Variants in SLC22A25 observed in about 807,000 individuals in gnomAD.
SLC22A25 encodes the protein solute carrier family 22 member 25, also known as MGI:2442751, MGI:2385316, MGI:3042283, MGI:3645714, MGI:3605624, MGI:2442750.
Under a neutral mutation model 45.9 loss-of-function variants are expected in SLC22A25, and 44 were observed. The ratio of observed to expected loss-of-function variants is 0.96; its 90% confidence interval spans 0.75 to 1.23. SLC22A25 has a LOEUF of 1.23. SLC22A25 is among the 50% of genes most tolerant of loss of function. The probability of loss-of-function intolerance (pLI) is 0.00; values close to 1 mark genes in which losing one functional copy is unlikely to be tolerated. For missense variants in SLC22A25, 800 were observed against 666.4 expected (o/e 1.20, Z -2.21); for synonymous variants, 283 against 238.6 (o/e 1.19, Z -1.72).
Position 63,214,226 on chromosome 11 carries a change from G to A in SLC22A25, c.830+3088C>T, listed in dbSNP as rs550757956. ...TGCCCTTTAACCCAGTTTGTTAGGAGTATACAGTCAACTATAGAGGCAATA... is the reference window on the plus strand; with the variant it reads ...TGCCCTTTAACCCAGTTTGTTAGGAATATACAGTCAACTATAGAGGCAATA... On this transcript the variant is annotated intron_variant, in intron 7 of 11. Transcript: ENST00000306494. Among the ~76,000 whole-genome samples the A allele has an allele frequency of 3.3e-5, 5 of 152,224 alleles. No individual in the cohort carries two copies. The South Asian group carries it at 8.3e-4, about 25-fold the overall frequency.
At chr11:63,189,979 T>C (rs1042257506) in intron 7 of SLC22A25, among the ~76,000 whole-genome samples, 1 of 152,214 alleles carries the variant, frequency 6.6e-6, no homozygotes, top group Admixed American at 6.5e-5. Context: ...CCCTTAACAT[T>C]TTTTCCTTCA....
chr11:63,218,514 T>A (rs113341999), intron 5 of SLC22A25, among the ~76,000 whole-genome samples: 5,130 of 152,116 alleles, frequency 0.034, 118 homozygotes, highest in Non-Finnish European at 0.056. Context: ...AAAGTTGAAA[T>A]TAAAAAAAGA....
At chr11:63,205,364 C>G (rs1295488355) in intron 7 of SLC22A25, among the ~76,000 whole-genome samples, 2 of 151,944 alleles carry the variant, frequency 1.3e-5, no homozygotes, top group African/African-American at 4.8e-5. Flanking sequence ...ATCAATGAAT[C>G]CAGCAGCTGT....
intron 3 of SLC22A25, among the ~76,000 whole-genome samples, chr11:63,237,557 C>G (rs1248222604): frequency 6.6e-6 from 1 of 152,184 alleles, no homozygotes; most frequent in Admixed American, 6.5e-5. Context: ...ACCAAATAAA[C>G]TTCTATTGTG....
intron 7 of SLC22A25, among the ~76,000 whole-genome samples, chr11:63,211,405 T>A (rs113306611): frequency 0.034 from 5,121 of 152,214 alleles, 118 homozygotes; most frequent in Non-Finnish European, 0.056. Context: ...TACCCAACCC[T>A]TACACAATGT....
At chr11:63,220,107 C>T in intron 5 of SLC22A25, 1 of 942,628 alleles carries the variant, frequency 1.1e-6, no homozygotes, top group Non-Finnish European at 1.5e-6. Flanking sequence ...CCTTAGATTA[C>T]TTACCTTTTG....
At chr11:63,182,487 T>C (rs972695458) in intron 8 of SLC22A25, among the ~76,000 whole-genome samples, 1 of 151,604 alleles carries the variant, frequency 6.6e-6, no homozygotes, top group South Asian at 2.1e-4. Flanking sequence ...TATATATATA[T>C]ATATTCTCTC....
rs1157471079 is a variant in SLC22A25, at chr11:63,166,929, G to A, written c.1071-671C>T. ...AGAGCTCTGGTCTGCAGCTCCCAGCGAGAGCAATGCGGAAGGTGAGTGATT... is the reference window on the plus strand; with the variant it reads ...AGAGCTCTGGTCTGCAGCTCCCAGCAAGAGCAATGCGGAAGGTGAGTGATT... On this transcript the variant is annotated intron_variant, in intron 9 of 11. Coordinates refer to ENST00000306494, the MANE Select transcript of SLC22A25 (RefSeq NM_199352.6). The A allele has an allele frequency of 2.9e-5, 25 of 874,824 alleles. No homozygotes were observed. In the South Asian group the frequency reaches 3.2e-4, roughly 11 times the overall value. The allele number at this position is 874,824 out of a possible 1,614,324, so 54.2% of individuals were successfully genotyped here.
intron 7 of SLC22A25, among the ~76,000 whole-genome samples, chr11:63,194,020 C>T (rs915889523): frequency 1.3e-5 from 2 of 152,090 alleles, no homozygotes; most frequent in African/African-American, 4.8e-5. Flanking sequence ...GATGCATGCA[C>T]ATGCTTCAGT....
chr11:63,166,125 G>T lies in SLC22A25; in HGVS notation c.1204C>A (p.His402Asn). 6.8e-6 allele frequency: 11 copies of T among 1,614,030 alleles called. No individual in the cohort carries two copies. Among genetic ancestry groups the T allele is most frequent in the Non-Finnish European group, 8.5e-6 (10 of 1,179,950 alleles). Residue 402 changes from histidine (H) to asparagine (N), a missense_variant, in exon 10 of 12, where the codon CAC becomes AAC. Physicochemically the swap from His to Asn is moderately conservative, Grantham distance 68. Coordinates refer to ENST00000306494, the MANE Select transcript of SLC22A25 (RefSeq NM_199352.6). ...ANCVAPWALN[H>N]MSRRLSQMLL... ...ATCTGGCTTAGTCGACGGCTCATGT[G>T]ATTCAGTGCCCAAGGTGCAACACAA...
At chr11:63,240,160 G>A (rs766436607) in intron 1 of SLC22A25, among the ~76,000 whole-genome samples, 3 of 151,940 alleles carry the variant, frequency 2.0e-5, no homozygotes, top group Non-Finnish European at 4.4e-5. Context: ...GTACCTAAAC[G>A]TATCTAAACA....
At chr11:63,165,009 G>A (rs1328361591) in intron 10 of SLC22A25, among the ~76,000 whole-genome samples, 4 of 152,094 alleles carry the variant, frequency 2.6e-5, no homozygotes, top group African/African-American at 9.7e-5. Context: ...ACTAGGGAGT[G>A]TAAGACTCAT....
At position 63,217,297 on chromosome 11, in the gene SLC22A25, G is replaced by T. The variant is rs1376615706; in HGVS notation, c.830+17C>A. On this transcript the variant is annotated intron_variant, in intron 7 of 11. Transcript: ENST00000306494. ...TCAAGGATGTCATATGGCAAAAGAA[G>T]AATGCAAGCTCAATACCTTGAGAAC... 6.2e-7 allele frequency: 1 copy of T among 1,608,096 alleles called. No homozygotes were observed. The highest frequency in any genetic ancestry group is 8.5e-7 in the Non-Finnish European group (1 of 1,177,344).
Position 63,162,501 on chromosome 11 carries a change from A to AT in SLC22A25, c.*1322dup, listed in dbSNP as rs781289990. Among the ~76,000 whole-genome samples the AT allele has an allele frequency of 7.9e-5, 12 of 152,200 alleles. No individual in the cohort carries two copies. The highest frequency in any genetic ancestry group is 1.2e-4 in the Non-Finnish European group (8 of 67,994). Reference sequence around the variant, plus strand: ...CATATGGATATCCAGTTTTGGAACTATTTTTTATGTTCTTATAAAAGTATG... The same window carrying AT: ...CATATGGATATCCAGTTTTGGAACTATTTTTTTATGTTCTTATAAAAGTATG... On this transcript the variant is annotated 3_prime_UTR_variant, in exon 12 of 12. Coordinates refer to ENST00000306494, the MANE Select transcript of SLC22A25 (RefSeq NM_199352.6).
intron 1 of SLC22A25, among the ~76,000 whole-genome samples, chr11:63,240,583 A>G (rs1247885389): frequency 4.6e-5 from 7 of 152,186 alleles, no homozygotes; most frequent in Non-Finnish European, 7.3e-5. Flanking sequence ...TTAAAATATA[A>G]ACATGTTGCA....
chr11:63,239,245 G>C (rs2090210353), intron 1 of SLC22A25, 110 bp from the exon 2 acceptor site: 1 of 152,158 alleles, frequency 6.6e-6, no homozygotes, highest in African/African-American at 2.4e-5. Flanking sequence ...AATAGGCCCT[G>C]CATCACATTT....
intron 5 of SLC22A25, among the ~76,000 whole-genome samples, chr11:63,225,822 T>A (rs1351511915): frequency 6.6e-6 from 1 of 152,144 alleles, no homozygotes; most frequent in Non-Finnish European, 1.5e-5. Context: ...TTCTTTTTAA[T>A]TCTTTTCACT....
chr11:63,217,244 C>A, intron 7 of SLC22A25, 70 bp downstream of exon 7: 2 of 1,516,276 alleles, frequency 1.3e-6, no homozygotes, highest in Non-Finnish European at 8.9e-7. Flanking sequence ...AAATGGAATT[C>A]ATGTCCTCAT....
At position 63,180,678 on chromosome 11, in the gene SLC22A25, CAG is replaced by C. The variant is rs1260735717; in HGVS notation, c.1050_1051del (p.Ile350MetfsTer108). Reference sequence around the variant, plus strand: ...AACTTACCTCACAAAGGACAGGAAACAGATTCTTTTACATATGTTGGGTATGC... The same window carrying C: ...AACTTACCTCACAAAGGACAGGAAACATTCTTTTACATATGTTGGGTATGC... On this transcript the variant is annotated frameshift_variant, in exon 9 of 12. Transcript: ENST00000306494. LOFTEE classifies it high-confidence loss of function. 19 of 1,612,098 alleles carry C rather than the reference CAG, an allele frequency of 1.2e-5. No individual in the cohort carries two copies. Among genetic ancestry groups the C allele is most frequent in the Non-Finnish European group, 1.4e-5 (17 of 1,179,110 alleles).
Sources: gnomAD v4.1 joint callset for allele counts (sites outside exome capture counted in the v4.1 genomes callset) on GRCh38, gnomAD v4.1.1 for gene constraint, MANE v1.5 for transcripts, NCBI Gene and HGNC (gene_info 2026-07-23, HGNC 2026-07-21) for gene names.